The following ARHGAP26 variants were observed in gnomAD, a reference collection of about 807,000 sequenced individuals.
The protein encoded by ARHGAP26 is Rho GTPase activating protein 26.
ARHGAP26 carries 38 observed loss-of-function variants against 104.8 expected under a neutral mutation model. The observed-to-expected ratio is 0.36, with a 90% CI of 0.28 to 0.48. ARHGAP26 has a LOEUF of 0.48. Ranked by LOEUF, ARHGAP26 falls within the 20% of genes least tolerant of loss-of-function variation. The probability of loss-of-function intolerance (pLI) is 0.99; values close to 1 mark genes in which losing one functional copy is unlikely to be tolerated. For missense variants in ARHGAP26, 704 were observed against 947.9 expected (o/e 0.74, Z 3.38); for synonymous variants, 341 against 340.0 (o/e 1.00, Z -0.03).
chr5:142,894,487 C>T, intron 6 of ARHGAP26, 139 bp downstream of exon 6: 1 of 738,254 alleles, frequency 1.4e-6, no homozygotes, highest in Non-Finnish European at 2.2e-6. Flanking sequence ...AGTATCAGTG[C>T]TTTGCGAGCC....
intron 20 of ARHGAP26, among the ~76,000 whole-genome samples, chr5:143,192,155 A>G (rs13169445): frequency 0.23 from 34,424 of 152,226 alleles, 4,897 homozygotes; most frequent in African/African-American, 0.4. Flanking sequence ...TAGCATCAAG[A>G]CGGGAAGAAA....
intron 1 of ARHGAP26, among the ~76,000 whole-genome samples, chr5:142,839,782 G>A (rs868603991): frequency 4.1e-4 from 62 of 152,102 alleles, no homozygotes; most frequent in African/African-American, 1.4e-3. Context: ...GAAAGTGGCA[G>A]CTGGCCGAAG....
intron 11 of ARHGAP26, among the ~76,000 whole-genome samples, chr5:142,985,958 A>T (rs542682380): frequency 0.014 from 2,153 of 152,236 alleles, 56 homozygotes; most frequent in African/African-American, 0.045. Flanking sequence ...ATAGTGCCGC[A>T]ATAAACATAC....
At chr5:143,187,524 T>C (rs892377053) in intron 20 of ARHGAP26, among the ~76,000 whole-genome samples, 1 of 152,206 alleles carries the variant, frequency 6.6e-6, no homozygotes, top group Non-Finnish European at 1.5e-5. Flanking sequence ...CTGCCGGGCT[T>C]GTGGAGGAGG....
At chr5:143,123,398 C>T (rs1429867011) in intron 18 of ARHGAP26, among the ~76,000 whole-genome samples, 7 of 152,234 alleles carry the variant, frequency 4.6e-5, no homozygotes, top group Non-Finnish European at 1.0e-4. Context: ...TGGTGTTCAA[C>T]TCACAGCAAT....
intron 10 of ARHGAP26, among the ~76,000 whole-genome samples, chr5:142,926,271 C>T (rs182674993): frequency 1.3e-5 from 2 of 152,194 alleles, no homozygotes; most frequent in East Asian, 3.9e-4. Flanking sequence ...CTCCATGGCT[C>T]CTGCAGTGTG....
At chr5:142,858,605 A>G (rs1265007724) in intron 1 of ARHGAP26, among the ~76,000 whole-genome samples, 1 of 152,214 alleles carries the variant, frequency 6.6e-6, no homozygotes, top group Non-Finnish European at 1.5e-5. Flanking sequence ...TTATTTATTT[A>G]GAAACATTAT....
intron 11 of ARHGAP26, among the ~76,000 whole-genome samples, chr5:142,995,708 C>G (rs1374969867): frequency 6.6e-6 from 1 of 152,168 alleles, no homozygotes; most frequent in Admixed American, 6.5e-5. Flanking sequence ...AAGACACATG[C>G]ACACATATGT....
chr5:142,930,788 A>C (rs1420720297), intron 10 of ARHGAP26, among the ~76,000 whole-genome samples: 3 of 152,150 alleles, frequency 2.0e-5, no homozygotes, highest in African/African-American at 7.2e-5. Flanking sequence ...GATGTCAAGG[A>C]ATGGTTAATG....
chr5:143,163,618 T>C (rs531941569), intron 20 of ARHGAP26, among the ~76,000 whole-genome samples: 7 of 152,128 alleles, frequency 4.6e-5, no homozygotes, highest in African/African-American at 1.7e-4. Flanking sequence ...ACCCAGCTAA[T>C]TTTTGTATTT....
intron 11 of ARHGAP26, among the ~76,000 whole-genome samples, chr5:142,972,131 G>A (rs1001420549): frequency 6.6e-6 from 1 of 151,378 alleles, no homozygotes; most frequent in Non-Finnish European, 1.5e-5. Flanking sequence ...GCAGTGAGCC[G>A]AAATTGTGCC....
chr5:142,801,120 C>G (rs1231606335), intron 1 of ARHGAP26, among the ~76,000 whole-genome samples: 1 of 152,174 alleles, frequency 6.6e-6, no homozygotes, highest in Non-Finnish European at 1.5e-5. Flanking sequence ...GGTTGGAGCA[C>G]AGGTCTGATT....
chr5:143,206,194 C>A (rs922931717), intron 20 of ARHGAP26, among the ~76,000 whole-genome samples: 1 of 152,164 alleles, frequency 6.6e-6, no homozygotes, highest in African/African-American at 2.4e-5. Context: ...CATTTTTGCC[C>A]CCATGAAGGG....
At chr5:143,063,873 A>C (rs554544911) in intron 17 of ARHGAP26, among the ~76,000 whole-genome samples, 1 of 152,348 alleles carries the variant, frequency 6.6e-6, no homozygotes, top group Admixed American at 6.5e-5. Context: ...AGCATGTATC[A>C]CATTCCACCT....
chr5:143,148,888 T>TG (rs1463713230), intron 20 of ARHGAP26, among the ~76,000 whole-genome samples: 2 of 152,218 alleles, frequency 1.3e-5, no homozygotes, highest in African/African-American at 4.8e-5. Flanking sequence ...TAGCCCAAGT[T>TG]GCTTAACATC....
chr5:143,159,227 C>T (rs1428347131), intron 20 of ARHGAP26, among the ~76,000 whole-genome samples: 1 of 152,224 alleles, frequency 6.6e-6, no homozygotes, highest in Admixed American at 6.5e-5. Flanking sequence ...GTCTAAAGAG[C>T]TCCCCATTGG....
intron 22 of ARHGAP26, among the ~76,000 whole-genome samples, chr5:143,215,750 T>C (rs1810245952): frequency 1.3e-5 from 2 of 152,226 alleles, no homozygotes; most frequent in Admixed American, 6.5e-5. Flanking sequence ...CTGGATTCTT[T>C]AGTTTGCATA....
chr5:143,046,156 T>G (rs1316789131), intron 14 of ARHGAP26, among the ~76,000 whole-genome samples: 1 of 151,688 alleles, frequency 6.6e-6, no homozygotes, highest in African/African-American at 2.4e-5. Context: ...AATACAAAAA[T>G]TAGCCGGGTG....
chr5:142,996,319 T>C (rs245714), intron 11 of ARHGAP26, among the ~76,000 whole-genome samples: 39,800 of 151,940 alleles, frequency 0.26, 5,680 homozygotes, highest in East Asian at 0.52. Flanking sequence ...GGTGAAACTC[T>C]GTCTCTACTA....
Sources: allele counts gnomAD v4.1 joint callset (sites outside exome capture counted in the v4.1 genomes callset), GRCh38; gene constraint gnomAD v4.1.1; transcripts MANE v1.5; gene names NCBI Gene and HGNC (gene_info 2026-07-23, HGNC 2026-07-21).